SEMA5A: variants seen among roughly 807,000 people sequenced by gnomAD.
SEMA5A encodes the protein semaphorin 5A, also known as semaphorin-5A.
Under a neutral mutation model 135.5 loss-of-function variants are expected in SEMA5A, and 55 were observed. The ratio of observed to expected loss-of-function variants is 0.41; its 90% confidence interval spans 0.33 to 0.51. SEMA5A has a LOEUF of 0.51. Among genes scored for constraint, SEMA5A ranks in the 20% least tolerant of loss-of-function variants. The pLI, the probability that SEMA5A is intolerant of heterozygous loss-of-function variation, is 0.37. For missense variants in SEMA5A, 1,290 were observed against 1,419.9 expected (o/e 0.91, Z 1.47); for synonymous variants, 580 against 546.5 (o/e 1.06, Z -0.85).
At chr5:9,044,939 C>T (rs921085432) in intron 21 of SEMA5A, among the ~76,000 whole-genome samples, 1 of 152,050 alleles carries the variant, frequency 6.6e-6, no homozygotes, top group African/African-American at 2.4e-5. Flanking sequence ...CATGTGCCAC[C>T]ATGCCTGGCT....
intron 5 of SEMA5A, among the ~76,000 whole-genome samples, chr5:9,275,913 C>T (rs1750237678): frequency 6.6e-6 from 1 of 152,070 alleles, no homozygotes; most frequent in Non-Finnish European, 1.5e-5. Flanking sequence ...GACAGGGATG[C>T]CCTCTCTCAC....
intron 16 of SEMA5A, among the ~76,000 whole-genome samples, chr5:9,082,182 GAA>G (rs2150105724): frequency 6.6e-6 from 1 of 152,286 alleles, no homozygotes; most frequent in South Asian, 2.1e-4. Flanking sequence ...TTTAAAAACT[GAA>G]AATAGGGGTG....
rs368019862 is a variant in SEMA5A at position 9,366,632 on chromosome 5, T to C, written c.124+13191A>G. On this transcript the variant is annotated intron_variant, in intron 3 of 22. Transcript: ENST00000382496. ...CTCCATCTCCTGACCTCATGATCCG[T>C]CCGCCTTAGCCTCCCAAAGTGCTGG... 6.6e-4 allele frequency among the ~76,000 whole-genome samples: 100 copies of C among 152,230 alleles called. 1 individual carries two copies. In the East Asian group the frequency reaches 0.015, roughly 22 times the overall value.
chr5:9,545,862 T>G lies in SEMA5A; in HGVS notation c.-453A>C, dbSNP rs1738364599. 1 of 152,156 alleles carries G rather than the reference T, an allele frequency of 6.6e-6. No homozygotes were observed. Among genetic ancestry groups the G allele is most frequent in the Non-Finnish European group, 1.5e-5 (1 of 68,144 alleles). The allele number at this position is 152,156 out of a possible 1,614,324, so 9.4% of individuals were successfully genotyped here. A position where few individuals can be genotyped will look rare whatever the true frequency, so the allele number is the denominator to read the frequency against. ...GGCAAAGTTGGGTGTCCAAGCCAGC[T>G]CCGCGGGGCAGTCCTGGGTGGGAGA... On this transcript the variant is annotated 5_prime_UTR_variant, in exon 1 of 23. Coordinates refer to ENST00000382496, the MANE Select transcript of SEMA5A (RefSeq NM_003966.3). This position sits in a 1 kb window ranked among gnomAD's most constrained non-coding sequence, Gnocchi z 4.5.
intron 3 of SEMA5A, among the ~76,000 whole-genome samples, chr5:9,339,829 T>C (rs1202436460): frequency 1.3e-5 from 2 of 152,142 alleles, no homozygotes; most frequent in African/African-American, 2.4e-5. Context: ...GAGCCCTTGA[T>C]AGAAAGAATG....
chr5:9,518,864 C>A (rs929317402), intron 1 of SEMA5A, among the ~76,000 whole-genome samples: 2 of 152,042 alleles, frequency 1.3e-5, no homozygotes, highest in Admixed American at 6.6e-5. Flanking sequence ...ACTTTTATAG[C>A]CCAGAATGAC....
rs77445702 is a variant in SEMA5A, at chr5:9,186,555, T to C, written c.1273+3712A>G. Reference sequence around the variant, plus strand: ...AGGACTCTAGCTTCACATTCATTAGTTATGAATGTCTTACCCATGCTCTAT... The same window carrying C: ...AGGACTCTAGCTTCACATTCATTAGCTATGAATGTCTTACCCATGCTCTAT... On this transcript the variant is annotated intron_variant, in intron 11 of 22. Transcript: ENST00000382496. 6.9e-3 allele frequency among the ~76,000 whole-genome samples: 1,053 copies of C among 152,312 alleles called. 5 individuals are homozygous for C. Among genetic ancestry groups the C allele is most frequent in the Non-Finnish European group, 0.011 (715 of 68,024 alleles).
chr5:9,294,415 G>A (rs1017998783), intron 5 of SEMA5A, among the ~76,000 whole-genome samples: 2 of 152,196 alleles, frequency 1.3e-5, no homozygotes, highest in African/African-American at 4.8e-5. Context: ...TTACAGTTCT[G>A]CCAGATGCCA....
At chr5:9,530,612 G>T (rs942602488) in intron 1 of SEMA5A, among the ~76,000 whole-genome samples, 3 of 152,168 alleles carry the variant, frequency 2.0e-5, no homozygotes, top group African/African-American at 7.2e-5. Flanking sequence ...AAGCCCTTAT[G>T]TAAGGAGAAA....
chr5:9,148,037 T>G (rs1742436226), intron 12 of SEMA5A, among the ~76,000 whole-genome samples: 2 of 152,170 alleles, frequency 1.3e-5, no homozygotes, highest in African/African-American at 4.8e-5. Flanking sequence ...TGTGCTGGCA[T>G]GCAGGAATTT....
chr5:9,290,536 A>C (rs1751026957), intron 5 of SEMA5A, among the ~76,000 whole-genome samples: 1 of 152,172 alleles, frequency 6.6e-6, no homozygotes, highest in Non-Finnish European at 1.5e-5. Flanking sequence ...CGGTCTCATT[A>C]ATTGTGAAAC....
rs561198451 is a variant in SEMA5A at position 9,044,394 on chromosome 5, G to A, written c.3084C>T (p.Tyr1028=). 5.0e-6 allele frequency: 8 copies of A among 1,613,402 alleles called. No homozygotes were observed. The Admixed American group carries it at 5.0e-5, about 10-fold the overall frequency. Residue 1028 remains tyrosine (Y), a synonymous_variant, in exon 22 of 23, where the codon TAC becomes TAT. Transcript: ENST00000382496. The part of the protein sequence containing the change: ...ITNHINKLDK[Y]DSVEAIKAFN... ...TTACCTTGATGGCCTCCACCGAGTC[G>A]TACTTGTCCAGTTTGTTGATGTGGT...
At chr5:9,477,050 A>C (rs575108903) in intron 1 of SEMA5A, among the ~76,000 whole-genome samples, 2 of 152,268 alleles carry the variant, frequency 1.3e-5, no homozygotes, top group East Asian at 3.9e-4. Context: ...GATCCTGGGA[A>C]CAGTTTCCCC....
At chr5:9,471,472 A>G (rs1043510104) in intron 1 of SEMA5A, among the ~76,000 whole-genome samples, 1 of 152,194 alleles carries the variant, frequency 6.6e-6, no homozygotes, top group Admixed American at 6.5e-5. Context: ...CCTTCCTACC[A>G]ATACATAATC....
intron 8 of SEMA5A, among the ~76,000 whole-genome samples, chr5:9,208,434 G>T (rs541498091): frequency 6.6e-6 from 1 of 152,188 alleles, no homozygotes; most frequent in African/African-American, 2.4e-5. Flanking sequence ...GACACAGCCC[G>T]TGCCCTCAAG....
At chr5:9,144,531 C>G (rs148671593) in intron 12 of SEMA5A, among the ~76,000 whole-genome samples, 1 of 152,124 alleles carries the variant, frequency 6.6e-6, no homozygotes, top group African/African-American at 2.4e-5. Flanking sequence ...TCCCTCTCAG[C>G]GGGTAGTTAC....
chr5:9,531,705 C>G (rs566798639), intron 1 of SEMA5A, among the ~76,000 whole-genome samples: 1 of 152,312 alleles, frequency 6.6e-6, no homozygotes, highest in Middle Eastern at 3.4e-3. Flanking sequence ...GGACACCCAA[C>G]TGGAAAACAG....
At chr5:9,302,970 A>T (rs1378392162) in intron 5 of SEMA5A, among the ~76,000 whole-genome samples, 1 of 152,196 alleles carries the variant, frequency 6.6e-6, no homozygotes, top group African/African-American at 2.4e-5. Context: ...TATATGACAG[A>T]CAATTTGGGA....
intron 8 of SEMA5A, among the ~76,000 whole-genome samples, chr5:9,209,027 T>A (rs559162937): frequency 4.6e-5 from 7 of 152,156 alleles, no homozygotes; most frequent in Non-Finnish European, 1.0e-4. Context: ...TATGACCCAT[T>A]GAAAATACAC....
Sources: gnomAD v4.1 joint callset for allele counts (sites outside exome capture counted in the v4.1 genomes callset) on GRCh38, gnomAD v4.1.1 for gene constraint, Gnocchi (gnomAD v3.1) non-coding constraint, MANE v1.5 for transcripts, NCBI Gene and HGNC (gene_info 2026-07-23, HGNC 2026-07-21) for gene names.